Variants in FAR2 observed in about 807,000 individuals in gnomAD.
FAR2 encodes the protein fatty acyl-CoA reductase 2.
FAR2 carries 19 observed loss-of-function variants against 56.0 expected under a neutral mutation model. The observed-to-expected ratio is 0.34, with a 90% CI of 0.24 to 0.50. FAR2 has a LOEUF of 0.50. Among genes scored for constraint, FAR2 ranks in the 20% least tolerant of loss-of-function variants. The pLI, the probability that FAR2 is intolerant of heterozygous loss-of-function variation, is 0.98. For synonymous variants in FAR2, 219 were observed against 218.8 expected, an observed-to-expected ratio of 1.00 and a Z score of -0.01; for missense variants, 508 against 642.2, an observed-to-expected ratio of 0.79 and a Z score of 2.26.
chr12:29,274,028 G>A (rs1280127827), intron 2 of FAR2, among the ~76,000 whole-genome samples: 1 of 151,568 alleles, frequency 6.6e-6, no homozygotes, highest in South Asian at 2.1e-4. Context: ...GGATTCACAC[G>A]GTTATTGTGT....
At chr12:29,267,816 T>G (rs1948544157) in intron 1 of FAR2, among the ~76,000 whole-genome samples, 1 of 152,184 alleles carries the variant, frequency 6.6e-6, no homozygotes, top group South Asian at 2.1e-4. Flanking sequence ...TGAATAGCAT[T>G]GATGATTGGG....
At chr12:29,157,106 T>TATATATATA (rs1555176819) in intron 1 of FAR2, 1 of 73,458 alleles carries the variant, frequency 1.4e-5, no homozygotes, top group African/African-American at 5.3e-5. Context: ...AAAGAACATT[T>TATATATATA]TATATATATA....
chr12:29,327,164 G>T (rs773171422), intron 10 of FAR2, among the ~76,000 whole-genome samples: 38 of 152,118 alleles, frequency 2.5e-4, no homozygotes, highest in Non-Finnish European at 4.9e-4. Context: ...TTGCTACAAA[G>T]AGAATAAAAT....
At chr12:29,270,689 G>T in intron 2 of FAR2, 51 bp downstream of exon 2, 1 of 1,479,394 alleles carries the variant, frequency 6.8e-7, no homozygotes, top group South Asian at 1.4e-5. Flanking sequence ...AGGGCAAGAT[G>T]ATTCACTACA....
At chr12:29,241,918 T>A (rs186845749) in intron 1 of FAR2, among the ~76,000 whole-genome samples, 1 of 152,348 alleles carries the variant, frequency 6.6e-6, no homozygotes, top group Non-Finnish European at 1.5e-5. Flanking sequence ...AAATCCCCCC[T>A]TTCCTCACTA....
At chr12:29,205,204 T>C (rs911091172) in intron 1 of FAR2, among the ~76,000 whole-genome samples, 1 of 152,188 alleles carries the variant, frequency 6.6e-6, no homozygotes, top group Admixed American at 6.5e-5. Flanking sequence ...TTACTACAAG[T>C]TTATGCATTT....
At chr12:29,164,637 C>T (rs1949809971) in intron 1 of FAR2, among the ~76,000 whole-genome samples, 1 of 152,024 alleles carries the variant, frequency 6.6e-6, no homozygotes, top group Non-Finnish European at 1.5e-5. Flanking sequence ...GAGGGAAGAA[C>T]GGAGGGGAGA....
intron 1 of FAR2, among the ~76,000 whole-genome samples, chr12:29,195,453 G>C (rs1344904303): frequency 3.9e-5 from 6 of 152,056 alleles, no homozygotes; most frequent in African/African-American, 7.2e-5. Context: ...TATATATTGT[G>C]GAATATTGGT....
At chr12:29,277,362 C>A (rs1275113146) in intron 2 of FAR2, 2 of 152,196 alleles carry the variant, frequency 1.3e-5, no homozygotes, top group Non-Finnish European at 2.9e-5. Flanking sequence ...TACACACCTA[C>A]ACACAAAAAG....
At chr12:29,256,876 C>T (rs1395895823) in intron 1 of FAR2, among the ~76,000 whole-genome samples, 1 of 152,254 alleles carries the variant, frequency 6.6e-6, no homozygotes, top group Non-Finnish European at 1.5e-5. Context: ...AGCTGCCTTC[C>T]TGTGGGACAG....
At chr12:29,170,640 T>G (rs1949876017) in intron 1 of FAR2, among the ~76,000 whole-genome samples, 1 of 152,070 alleles carries the variant, frequency 6.6e-6, no homozygotes, top group Admixed American at 6.5e-5. Flanking sequence ...TTTCTGTCTC[T>G]CTCTTTCTCT....
intron 1 of FAR2, among the ~76,000 whole-genome samples, chr12:29,204,057 A>C (rs10492385): frequency 0.47 from 70,059 of 148,308 alleles, 17,879 homozygotes; most frequent in Admixed American, 0.61. Flanking sequence ...GTAGCCTTTC[A>C]GTAGAATCCA....
chr12:29,330,566 T>G (rs977133340), intron 10 of FAR2, among the ~76,000 whole-genome samples: 3 of 152,186 alleles, frequency 2.0e-5, no homozygotes, highest in African/African-American at 4.8e-5. Flanking sequence ...AACATTTAAT[T>G]TGCATATAAA....
At chr12:29,313,778 C>T (rs1387757163) in intron 8 of FAR2, among the ~76,000 whole-genome samples, 1 of 151,784 alleles carries the variant, frequency 6.6e-6, no homozygotes, top group Non-Finnish European at 1.5e-5. Context: ...AGTTGTGTGT[C>T]TTCTCCAAAG....
chr12:29,267,084 T>G (rs1391931233), intron 1 of FAR2, among the ~76,000 whole-genome samples: 2 of 152,174 alleles, frequency 1.3e-5, no homozygotes, highest in Non-Finnish European at 2.9e-5. Flanking sequence ...CCTCAACATT[T>G]TTAAAGAAAT....
intron 4 of FAR2, among the ~76,000 whole-genome samples, chr12:29,300,611 G>C (rs1949145962): frequency 6.6e-6 from 1 of 150,524 alleles, no homozygotes; most frequent in Non-Finnish European, 1.5e-5. Flanking sequence ...CAGTGCAACA[G>C]AGAAATGCCT....
intron 4 of FAR2, among the ~76,000 whole-genome samples, chr12:29,304,171 A>G (rs1368697925): frequency 6.6e-6 from 1 of 152,018 alleles, no homozygotes; most frequent in African/African-American, 2.4e-5. Context: ...CCTTTCCCAC[A>G]TTCTCCCTAC....
chr12:29,230,251 G>C (rs75345094), intron 1 of FAR2, among the ~76,000 whole-genome samples: 119 of 152,220 alleles, frequency 7.8e-4, no homozygotes, highest in Middle Eastern at 3.4e-3. Flanking sequence ...AGAGTGTGCA[G>C]GTGAGGTGGG....
chr12:29,258,268 T>C (rs79360499), intron 1 of FAR2, among the ~76,000 whole-genome samples: 10,386 of 151,722 alleles, frequency 0.068, 413 homozygotes, highest in South Asian at 0.13. Flanking sequence ...GACAGGAGAA[T>C]TGCTTGAACC....
Sources: allele counts gnomAD v4.1 joint callset (sites outside exome capture counted in the v4.1 genomes callset), GRCh38; gene constraint gnomAD v4.1.1; transcripts MANE v1.5; gene names NCBI Gene and HGNC (gene_info 2026-07-23, HGNC 2026-07-21).